Variants in CREBRF observed in about 807,000 individuals in gnomAD.
CREBRF encodes the protein CREB3 regulatory factor, also known as UPF0474 protein C5orf41.
Under a neutral mutation model 66.1 loss-of-function variants are expected in CREBRF, and 5 were observed. The observed-to-expected ratio is 0.08, with a 90% CI of 0.04 to 0.16. The LOEUF (loss-of-function observed/expected upper bound fraction) is 0.16, where lower values mean the gene tolerates loss of function less well. Ranked by LOEUF, CREBRF falls within the 10% of genes least tolerant of loss-of-function variation. The pLI is 1.00. For synonymous variants in CREBRF, 229 were observed against 264.4 expected (o/e 0.87, Z 1.30); for missense variants, 531 against 744.9 (o/e 0.71, Z 3.34).
In CREBRF at chr5:173,108,745, G is replaced by A; in HGVS notation, c.1344G>A (p.Arg448=). 6.2e-7 allele frequency: 1 copy of A among 1,614,056 alleles called. No homozygotes were observed. Among genetic ancestry groups the A allele is most frequent in the Non-Finnish European group, 8.5e-7 (1 of 1,179,988 alleles). Residue 448 remains arginine, a synonymous_variant, in exon 5 of 9, where the codon AGG becomes AGA. Transcript: ENST00000296953. ...SEQLTPSQQE[R]MLRPSEWNRD... ...AACTTACACCATCACAGCAAGAGAGGATGCTGAGACCATCTGAGTGGAACC... is the reference window on the plus strand; with the variant it reads ...AACTTACACCATCACAGCAAGAGAGAATGCTGAGACCATCTGAGTGGAACC...
chr5:173,108,806 G>T lies in CREBRF; in HGVS notation c.1405G>T (p.Gly469Cys). 6.2e-7 allele frequency: 1 copy of T among 1,611,280 alleles called. No individual in the cohort carries two copies. The highest frequency in any genetic ancestry group is 1.1e-5 in the South Asian group (1 of 90,162). The change falls in exon 5 of 9, where the codon GGC becomes TGC. Residue 469 changes from glycine (G) to cysteine (C), a missense_variant. This residue lies in a region of CREBRF where 309 missense variants were observed against 341.4 expected (regional missense o/e 0.90). Transcript: ENST00000296953. ...TLPSNMYQKN[G>C]LHHGKYAVKK... Reference sequence around the variant, plus strand: ...GCCAAGTAATATGTATCAGAAAAATGGCTTACATCATGGTAAGAGGGGATT... The same window carrying T: ...GCCAAGTAATATGTATCAGAAAAATTGCTTACATCATGGTAAGAGGGGATT...
At chr5:173,098,706 A>T (rs1329919001) in intron 4 of CREBRF, among the ~76,000 whole-genome samples, 1 of 151,822 alleles carries the variant, frequency 6.6e-6, no homozygotes, top group Admixed American at 6.6e-5. Flanking sequence ...GAAGTCCCCT[A>T]TATTACCGTC....
chr5:173,106,905 A>G (rs543056233), intron 4 of CREBRF, among the ~76,000 whole-genome samples: 1 of 152,016 alleles, frequency 6.6e-6, no homozygotes, highest in African/African-American at 2.4e-5. Context: ...ACCCACCACC[A>G]TGCCCGGCTA....
chr5:173,073,505 C>T (rs1218777786), intron 1 of CREBRF, among the ~76,000 whole-genome samples: 5 of 152,190 alleles, frequency 3.3e-5, no homozygotes, highest in East Asian at 1.9e-4. Context: ...GAAATGCATT[C>T]TCTGGTTCTG....
At chr5:173,066,215 G>A (rs1324591323) in intron 1 of CREBRF, among the ~76,000 whole-genome samples, 1 of 152,176 alleles carries the variant, frequency 6.6e-6, no homozygotes, top group East Asian at 1.9e-4. Flanking sequence ...AATCTTGTAA[G>A]ATCAACTAGC....
intron 7 of CREBRF, among the ~76,000 whole-genome samples, chr5:173,121,762 C>G (rs1473077734): frequency 3.3e-5 from 5 of 152,204 alleles, no homozygotes; most frequent in Admixed American, 3.3e-4. Flanking sequence ...ATAGCAGGCA[C>G]TATCAGGTCT....
intron 2 of CREBRF, among the ~76,000 whole-genome samples, chr5:173,084,228 C>T (rs1275084209): frequency 3.3e-5 from 5 of 152,080 alleles, no homozygotes; most frequent in South Asian, 2.1e-4. Flanking sequence ...ATCCTTCCTC[C>T]TCCCCTTAAG....
rs1415313385 is a variant in CREBRF, at chr5:173,138,602, A to C, written c.*4857A>C. 1 of 152,202 alleles carries C rather than the reference A, an allele frequency of 6.6e-6. No individual in the cohort carries two copies. Among genetic ancestry groups the C allele is most frequent in the African/African-American group, 2.4e-5 (1 of 41,454 alleles). 9.4% of individuals were successfully genotyped at this position (152,202 alleles called of 1,614,324 possible). On this transcript the variant is annotated 3_prime_UTR_variant, in exon 9 of 9. Coordinates refer to ENST00000296953, the MANE Select transcript of CREBRF (RefSeq NM_153607.3). Reference sequence around the variant, plus strand: ...TCAATGTGCCAAGTTTGGGTGAACTAGGTTCGGTTTGCCTCTTTCATAACA... The same window carrying C: ...TCAATGTGCCAAGTTTGGGTGAACTCGGTTCGGTTTGCCTCTTTCATAACA...
chr5:173,104,425 A>G (rs140662823), intron 4 of CREBRF, among the ~76,000 whole-genome samples: 273 of 152,272 alleles, frequency 1.8e-3, no homozygotes, highest in Middle Eastern at 0.01. Flanking sequence ...TCATGCCCGT[A>G]ATCTCAGCAC....
At chr5:173,108,356 C>A (rs187193962) in intron 4 of CREBRF, among the ~76,000 whole-genome samples, 5 of 151,822 alleles carry the variant, frequency 3.3e-5, no homozygotes, top group African/African-American at 1.2e-4. Flanking sequence ...AAAATAGTAT[C>A]GTATACTAAC....
At chr5:173,074,970 C>G (rs3097320) in intron 1 of CREBRF, among the ~76,000 whole-genome samples, 74,026 of 152,010 alleles carry the variant, frequency 0.49, 19,166 homozygotes, top group Non-Finnish European at 0.58. Context: ...AAGACTATTA[C>G]ATTGATCAGG....
chr5:173,128,008 C>A (rs571042141), intron 8 of CREBRF, among the ~76,000 whole-genome samples: 12 of 152,236 alleles, frequency 7.9e-5, no homozygotes, highest in Non-Finnish European at 1.2e-4. Context: ...TTTCTCCCCC[C>A]CAAAACCAGC....
intron 8 of CREBRF, among the ~76,000 whole-genome samples, chr5:173,125,972 G>A (rs1759266180): frequency 6.6e-6 from 1 of 152,206 alleles, no homozygotes; most frequent in Admixed American, 6.5e-5. Context: ...GAGGTCAAGA[G>A]TTCTAGACCA....
At chr5:173,091,468 T>A in intron 4 of CREBRF, 67 bp downstream of exon 4, 1 of 1,544,352 alleles carries the variant, frequency 6.5e-7, no homozygotes, top group Non-Finnish European at 8.7e-7. Context: ...GAAAGGTTTT[T>A]GTTTCTGTTT....
At chr5:173,115,052 A>G (rs762597078) in intron 7 of CREBRF, among the ~76,000 whole-genome samples, 4 of 149,526 alleles carry the variant, frequency 2.7e-5, no homozygotes, top group Non-Finnish European at 5.9e-5. Context: ...GAGAAGAACT[A>G]TTCTGCTCAG....
intron 1 of CREBRF, chr5:173,057,544 C>T (rs1256235380): frequency 6.6e-6 from 1 of 152,326 alleles, no homozygotes; most frequent in Non-Finnish European, 1.5e-5. Flanking sequence ...AGCTCAGTCT[C>T]TGGATTCTCC....
intron 1 of CREBRF, among the ~76,000 whole-genome samples, chr5:173,072,108 T>A (rs940722897): frequency 3.8e-4 from 57 of 151,944 alleles, no homozygotes; most frequent in African/African-American, 1.2e-3. Context: ...AAATTTAAAA[T>A]TTTTCCTTTT....
intron 8 of CREBRF, chr5:173,124,273 A>C (rs944301323): frequency 2.0e-5 from 3 of 152,190 alleles, no homozygotes; most frequent in African/African-American, 7.2e-5. Context: ...AAAAGCTAAT[A>C]CTGGCTGGGC....
At chr5:173,079,598 T>A (rs1212434898) in intron 1 of CREBRF, among the ~76,000 whole-genome samples, 1 of 152,166 alleles carries the variant, frequency 6.6e-6, no homozygotes, top group African/African-American at 2.4e-5. Context: ...ACACTGCTTC[T>A]GGACTGAATT....
Sources: allele counts gnomAD v4.1 joint callset (sites outside exome capture counted in the v4.1 genomes callset), GRCh38; gene constraint gnomAD v4.1.1; regional missense constraint gnomAD v4.1.1; transcripts MANE v1.5; gene names NCBI Gene and HGNC (gene_info 2026-07-23, HGNC 2026-07-21).